Variants in EPRS1 observed in about 807,000 individuals in gnomAD.
The protein encoded by EPRS1 is bifunctional glutamate/proline--tRNA ligase.
EPRS1 carries 107 observed loss-of-function variants against 188.3 expected under a neutral mutation model. The observed-to-expected ratio is 0.57, with a 90% confidence interval of 0.49 to 0.67. The LOEUF is 0.67. Among genes scored for constraint, EPRS1 ranks in the 30% least tolerant of loss-of-function variants. The probability of loss-of-function intolerance (pLI) is 0.00; values close to 1 mark genes in which losing one functional copy is unlikely to be tolerated. For missense variants in EPRS1, 1,577 were observed against 1,802.2 expected (o/e 0.88, Z 2.26); for synonymous variants, 596 against 593.1 (o/e 1.00, Z -0.07).
intron 18 of EPRS1, among the ~76,000 whole-genome samples, chr1:219,993,769 C>T (rs746423199): frequency 7.2e-5 from 11 of 152,214 alleles, no homozygotes; most frequent in Admixed American, 2.0e-4. Context: ...GTCACCACCT[C>T]TCAAGGTAAA....
chr1:220,041,088 T>C (rs1571701599), intron 1 of EPRS1, among the ~76,000 whole-genome samples: 1 of 152,054 alleles, frequency 6.6e-6, no homozygotes. Context: ...CCCAGCACTT[T>C]GGGAGGCTGA....
At chr1:220,031,483 G>A (rs1322941136) in intron 5 of EPRS1, among the ~76,000 whole-genome samples, 1 of 152,220 alleles carries the variant, frequency 6.6e-6, no homozygotes, top group Non-Finnish European at 1.5e-5. Flanking sequence ...ACACACATGA[G>A]AAGTCATAAC....
At chr1:219,978,938 ATGTG>A (rs57245134) in intron 27 of EPRS1, among the ~76,000 whole-genome samples, 2 of 147,362 alleles carry the variant, frequency 1.4e-5, no homozygotes, top group South Asian at 2.1e-4. Context: ...TATTTTTCAT[ATGTG>A]TGTGTATATA....
chr1:219,991,853 A>C (rs1328154786), intron 18 of EPRS1, among the ~76,000 whole-genome samples: 1 of 152,218 alleles, frequency 6.6e-6, no homozygotes, highest in Non-Finnish European at 1.5e-5. Flanking sequence ...CAAATTCTGA[A>C]GATTTTCCAG....
chr1:219,984,707 G>C (rs1660970455), intron 20 of EPRS1, among the ~76,000 whole-genome samples: 1 of 150,950 alleles, frequency 6.6e-6, no homozygotes, highest in African/African-American at 2.4e-5. Context: ...ACAGGCATGA[G>C]CCACCATGCC....
chr1:220,017,863 T>G (rs116098173), intron 12 of EPRS1, among the ~76,000 whole-genome samples: 1 of 152,016 alleles, frequency 6.6e-6, no homozygotes, highest in African/African-American at 2.4e-5. Flanking sequence ...TACAACTCAA[T>G]GAAATACATA....
chr1:220,026,084 C>T (rs1002888814), intron 6 of EPRS1, among the ~76,000 whole-genome samples: 7 of 152,198 alleles, frequency 4.6e-5, no homozygotes, highest in African/African-American at 1.7e-4. Context: ...TGAGCCACCG[C>T]ACCCAGCCAA....
At chr1:219,979,246 T>C (rs1459938046) in intron 27 of EPRS1, among the ~76,000 whole-genome samples, 172 bp downstream of exon 27, 1 of 152,222 alleles carries the variant, frequency 6.6e-6, no homozygotes, top group Non-Finnish European at 1.5e-5. Context: ...AAACAATAAA[T>C]AAATAATACA....
intron 18 of EPRS1, among the ~76,000 whole-genome samples, chr1:219,990,720 C>G (rs1661103459): frequency 6.6e-6 from 1 of 152,154 alleles, no homozygotes; most frequent in African/African-American, 2.4e-5. Flanking sequence ...TTGACTATTA[C>G]TTTGAATTTA....
chr1:220,030,886 G>A (rs947259059), intron 5 of EPRS1, among the ~76,000 whole-genome samples: 6 of 152,162 alleles, frequency 3.9e-5, no homozygotes, highest in Non-Finnish European at 8.8e-5. Context: ...GAGGTCAGAA[G>A]TTTGAGACCA....
At position 220,006,364 on chromosome 1, in the gene EPRS1, AAATT is replaced by A. The variant is rs1661488229; in HGVS notation, c.1743-55_1743-52del. 6.0e-6 allele frequency: 4 copies of A among 665,980 alleles called. No homozygotes were observed. In the Admixed American group the frequency reaches 1.2e-4, roughly 20 times the overall value. The allele number at this position is 665,980 out of a possible 1,614,324, so 41.3% of individuals were successfully genotyped here. On this transcript the variant is annotated intron_variant, in intron 14 of 31. Transcript: ENST00000366923. Reference sequence around the variant, plus strand: ...AAGAAATATTAACCACAGCTGCCATAAATTCATTATTTTGTTCTATAATAATTTT... The same window carrying A: ...AAGAAATATTAACCACAGCTGCCATACATTATTTTGTTCTATAATAATTTT...
At chr1:220,038,527 G>C (rs1385819703) in intron 2 of EPRS1, among the ~76,000 whole-genome samples, 5 of 150,808 alleles carry the variant, frequency 3.3e-5, no homozygotes, top group Admixed American at 6.6e-5. Flanking sequence ...AAGTAGCTGG[G>C]AGTACACCCA....
chr1:219,980,327 G>A, intron 25 of EPRS1, 87 bp from the exon 26 acceptor site: 2 of 1,014,048 alleles, frequency 2.0e-6, no homozygotes, highest in Non-Finnish European at 2.9e-6. Context: ...AAGACTAATT[G>A]TGTGGGAAAA....
intron 19 of EPRS1, 124 bp downstream of exon 19, chr1:219,988,464 AAG>A: frequency 1.6e-6 from 1 of 637,978 alleles, no homozygotes; most frequent in Non-Finnish European, 2.8e-6. Context: ...AAGGCAAGGT[AAG>A]AGAATTAAGA....
chr1:220,039,234 A>G (rs1044153862), intron 2 of EPRS1, among the ~76,000 whole-genome samples: 7 of 152,082 alleles, frequency 4.6e-5, no homozygotes, highest in Non-Finnish European at 1.0e-4. Context: ...GTTGTACAGG[A>G]AAAAATCAAC....
chr1:220,043,244 TCAATCA>T (rs1460597552), intron 1 of EPRS1, among the ~76,000 whole-genome samples: 29 of 116,884 alleles, frequency 2.5e-4, no homozygotes, highest in African/African-American at 1.0e-3. Flanking sequence ...TACACATTTG[TCAATCA>T]CTTAAAATTG....
intron 28 of EPRS1, among the ~76,000 whole-genome samples, chr1:219,974,704 T>C (rs2102559934): frequency 6.6e-6 from 1 of 152,318 alleles, no homozygotes; most frequent in South Asian, 2.1e-4. Flanking sequence ...GAACCAACTG[T>C]TGTATGCTAA....
intron 6 of EPRS1, among the ~76,000 whole-genome samples, chr1:220,028,862 T>TAAA (rs1198513550): frequency 2.0e-5 from 3 of 152,102 alleles, no homozygotes; most frequent in African/African-American, 4.8e-5. Flanking sequence ...AAAAACTCTT[T>TAAA]AACAGTACAA....
Position 219,973,403 on chromosome 1 carries a change from A to T in EPRS1, c.4084-5T>A. ...TTCAAGTCTAATGGGAACTCCCTAT[A>T]AGATAAAAAAGGCAGTTAAAATGAT... is the stretch of plus-strand genomic sequence containing the variant. On this transcript the variant is annotated splice_region_variant and splice_polypyrimidine_tract_variant and intron_variant, in intron 28 of 31. Transcript: ENST00000366923. The T allele has an allele frequency of 6.3e-7, 1 of 1,599,152 alleles. No individual in the cohort carries two copies. Among genetic ancestry groups the T allele is most frequent in the Non-Finnish European group, 8.5e-7 (1 of 1,171,498 alleles).
Sources: allele counts gnomAD v4.1 joint callset (sites outside exome capture counted in the v4.1 genomes callset), GRCh38; gene constraint gnomAD v4.1.1; transcripts MANE v1.5; gene names NCBI Gene and HGNC (gene_info 2026-07-23, HGNC 2026-07-21).